Variants in PHACTR1 observed in about 807,000 individuals in gnomAD.
PHACTR1 encodes the protein RPEL repeat containing 1.
In PHACTR1, 16 loss-of-function variants were observed where a neutral mutation model predicts 69.2. The observed-to-expected ratio is 0.23, with a 90% confidence interval of 0.16 to 0.35. PHACTR1 has a LOEUF of 0.35. Among genes scored for constraint, PHACTR1 ranks in the 10% least tolerant of loss-of-function variants. PHACTR1 has a pLI of 1.00. For synonymous variants in PHACTR1, 312 were observed against 284.5 expected (o/e 1.10, Z -0.97); for missense variants, 510 against 734.7 (o/e 0.69, Z 3.54).
intron 7 of PHACTR1, among the ~76,000 whole-genome samples, chr6:13,204,572 G>GT (rs1460246254): frequency 1.3e-5 from 2 of 152,138 alleles, no homozygotes; most frequent in African/African-American, 4.8e-5. Context: ...CCCCTCAAAT[G>GT]TGGAGCATCT....
intron 5 of PHACTR1, among the ~76,000 whole-genome samples, chr6:13,149,802 C>G (rs1021381458): frequency 1.4e-4 from 21 of 150,710 alleles, no homozygotes; most frequent in African/African-American, 4.9e-4. Context: ...CGTAAACTTT[C>G]TTAAAAAGTT....
chr6:13,134,269 G>T (rs888515118), intron 5 of PHACTR1, among the ~76,000 whole-genome samples: 1 of 151,344 alleles, frequency 6.6e-6, no homozygotes, highest in Non-Finnish European at 1.5e-5. Flanking sequence ...GCCTCTGCCC[G>T]GCCGCCACCC....
intron 4 of PHACTR1, among the ~76,000 whole-genome samples, chr6:12,876,429 C>G (rs776993031): frequency 6.6e-6 from 1 of 152,296 alleles, no homozygotes; most frequent in African/African-American, 2.4e-5. Context: ...AGTTAAGAGA[C>G]TTATCCAAGG....
chr6:13,087,275 T>C (rs1026151040), intron 5 of PHACTR1, among the ~76,000 whole-genome samples: 1 of 150,906 alleles, frequency 6.6e-6, no homozygotes, highest in African/African-American at 2.4e-5. Context: ...AATGAAGCCT[T>C]AGGTGGTGAT....
intron 4 of PHACTR1, among the ~76,000 whole-genome samples, chr6:12,980,478 G>A (rs7770277): frequency 0.47 from 70,892 of 151,838 alleles, 18,110 homozygotes; most frequent in African/African-American, 0.67. Context: ...AGCAAAGTAT[G>A]TTTTGTCAAA....
chr6:13,020,447 C>T (rs762155801), intron 4 of PHACTR1, among the ~76,000 whole-genome samples: 10 of 152,296 alleles, frequency 6.6e-5, no homozygotes, highest in Middle Eastern at 3.4e-3. Context: ...CAGCGAGGGA[C>T]GTTGCTGTGA....
chr6:13,201,280 C>T (rs974692709), intron 7 of PHACTR1, among the ~76,000 whole-genome samples: 8 of 152,128 alleles, frequency 5.3e-5, no homozygotes, highest in Non-Finnish European at 1.2e-4. Flanking sequence ...CAGAGGAAAG[C>T]GGGTCTTCAT....
At chr6:13,105,413 A>C (rs1315322559) in intron 5 of PHACTR1, among the ~76,000 whole-genome samples, 10 of 151,900 alleles carry the variant, frequency 6.6e-5, no homozygotes, top group Admixed American at 2.6e-4. Context: ...GGGGGTGTGG[A>C]GGGAAGTATG....
rs1465635541 is a variant in PHACTR1, at chr6:12,743,014, T to C, written c.104-6630T>C. Among the ~76,000 whole-genome samples the C allele has an allele frequency of 2.0e-5, 3 of 152,282 alleles. No homozygotes were observed. The East Asian group carries it at 5.8e-4, about 29-fold the overall frequency. ...AGAAGGCTTTCCAGGAACTGGGCAA[T>C]TGTTGGAACCAACCTGATATGGAGT... On this transcript the variant is annotated intron_variant, in intron 3 of 14. Transcript: ENST00000332995.
At position 13,234,427 on chromosome 6, in the gene PHACTR1, T is replaced by C. The variant is rs148757000; in HGVS notation, c.1391+4234T>C. On this transcript the variant is annotated intron_variant, in intron 10 of 14. Transcript: ENST00000332995. ...CTGGCTATTAATGTACTGGAAATCT[T>C]AGGCTCTTTGAAAAGCATGTGGCCA... 9.2e-4 allele frequency among the ~76,000 whole-genome samples: 140 copies of C among 152,322 alleles called. 1 individual carries two copies. Among genetic ancestry groups the C allele is most frequent in the African/African-American group, 3.2e-3 (133 of 41,568 alleles).
At chr6:13,016,880 C>G (rs909643647) in intron 4 of PHACTR1, among the ~76,000 whole-genome samples, 1 of 152,318 alleles carries the variant, frequency 6.6e-6, no homozygotes, top group Non-Finnish European at 1.5e-5. Flanking sequence ...ACACCCTCAT[C>G]TGTTTCACTT....
At chr6:13,195,641 C>T (rs1764260871) in intron 7 of PHACTR1, among the ~76,000 whole-genome samples, 1 of 151,380 alleles carries the variant, frequency 6.6e-6, no homozygotes, top group African/African-American at 2.4e-5. Flanking sequence ...ACCTGTAATC[C>T]CAGCTACTCA....
chr6:13,009,292 C>G (rs1397329341), intron 4 of PHACTR1, among the ~76,000 whole-genome samples: 2 of 152,078 alleles, frequency 1.3e-5, no homozygotes, highest in East Asian at 3.9e-4. Context: ...ATTCAACCCA[C>G]TGCAGGGTGG....
At chr6:12,826,437 G>A (rs1581940117) in intron 4 of PHACTR1, among the ~76,000 whole-genome samples, 1 of 152,170 alleles carries the variant, frequency 6.6e-6, no homozygotes, top group African/African-American at 2.4e-5. Flanking sequence ...AATTCCCAAT[G>A]TTTTCCCTAC....
chr6:13,171,178 A>T (rs1352096822), intron 6 of PHACTR1, among the ~76,000 whole-genome samples: 1 of 98,934 alleles, frequency 1.0e-5, no homozygotes, highest in Non-Finnish European at 2.3e-5. Context: ...ACCCCACCCC[A>T]CCCCACTTCC....
intron 4 of PHACTR1, among the ~76,000 whole-genome samples, chr6:12,816,616 C>T (rs1261205656): frequency 3.3e-5 from 5 of 152,188 alleles, no homozygotes; most frequent in Admixed American, 1.3e-4. Context: ...TTTAGGGTAT[C>T]ATACAGTTTT....
intron 5 of PHACTR1, among the ~76,000 whole-genome samples, chr6:13,109,190 C>A (rs558950973): frequency 6.6e-6 from 1 of 151,962 alleles, no homozygotes; most frequent in Non-Finnish European, 1.5e-5. Flanking sequence ...AGGTAATTAT[C>A]TTTTAAATAA....
Position 13,182,550 on chromosome 6 carries a change from C to T in PHACTR1, c.528C>T (p.Asp176=). 6.2e-7 allele frequency: 1 copy of T among 1,613,904 alleles called. No individual in the cohort carries two copies. Among genetic ancestry groups the T allele is most frequent in the Non-Finnish European group, 8.5e-7 (1 of 1,179,812 alleles). Residue 176 remains aspartate (D), a synonymous_variant, in exon 7 of 15, where the codon GAC becomes GAT. Coordinates refer to ENST00000332995, the MANE Select transcript of PHACTR1 (RefSeq NM_030948.6). ...AACTCTCTATATCCAATGAAGAGGACTCCCTAGAAAATGGGCAGTCCCTGA... is the reference window on the plus strand; with the variant it reads ...AACTCTCTATATCCAATGAAGAGGATTCCCTAGAAAATGGGCAGTCCCTGA... ...DGELSISNEE[D]SLENGQSLSS... is the part of the protein sequence containing the mutation.
chr6:13,149,238 T>C (rs1403283703), intron 5 of PHACTR1, among the ~76,000 whole-genome samples: 1 of 152,142 alleles, frequency 6.6e-6, no homozygotes, highest in African/African-American at 2.4e-5. Context: ...TGGTACTCCA[T>C]AAAAGGGTCA....
Sources: gnomAD v4.1 joint callset for allele counts (sites outside exome capture counted in the v4.1 genomes callset) on GRCh38, gnomAD v4.1.1 for gene constraint, MANE v1.5 for transcripts, NCBI Gene and HGNC (gene_info 2026-07-23, HGNC 2026-07-21) for gene names.